Variants in USP33 observed in about 807,000 individuals in gnomAD.
The protein encoded by USP33 is ubiquitin carboxyl-terminal hydrolase 33.
In USP33, 46 loss-of-function variants were observed where a neutral mutation model predicts 124.2. That is an observed-to-expected ratio of 0.37 (90% CI 0.29 to 0.47). The LOEUF (loss-of-function observed/expected upper bound fraction) is 0.47. USP33 is among the 20% of genes least tolerant of loss of function. The pLI, the probability that USP33 is intolerant of heterozygous loss-of-function variation, is 0.99. For missense variants in USP33, 851 were observed against 1,070.6 expected, an observed-to-expected ratio of 0.79 and a Z score of 2.86; for synonymous variants, 350 against 352.3, an observed-to-expected ratio of 0.99 and a Z score of 0.07.
At chr1:77,714,025 T>C (rs1188930165) in intron 19 of USP33, among the ~76,000 whole-genome samples, 1 of 152,210 alleles carries the variant, frequency 6.6e-6, no homozygotes, top group East Asian at 1.9e-4. Context: ...ATCTTCAACC[T>C]TGAAGTTTAA....
chr1:77,736,364 G>A (rs1303431855), intron 5 of USP33, among the ~76,000 whole-genome samples: 2 of 151,958 alleles, frequency 1.3e-5, no homozygotes, highest in Admixed American at 6.6e-5. Flanking sequence ...TGTCAGTCCC[G>A]CTTTATTAAC....
At chr1:77,702,378 T>G (rs1557810142) in intron 21 of USP33, among the ~76,000 whole-genome samples, 1 of 152,128 alleles carries the variant, frequency 6.6e-6, no homozygotes, top group Non-Finnish European at 1.5e-5. Context: ...ATGTGTAAAC[T>G]TTATGTACAC....
chr1:77,734,214 A>C, intron 7 of USP33, 133 bp downstream of exon 7: 1 of 682,098 alleles, frequency 1.5e-6, no homozygotes, highest in Non-Finnish European at 2.5e-6. Flanking sequence ...TGGGACAAGA[A>C]TGGGTTATGT....
intron 15 of USP33, chr1:77,720,179 A>AC (rs1557833786): frequency 9.7e-6 from 4 of 411,678 alleles, no homozygotes; most frequent in Admixed American, 6.5e-5. Flanking sequence ...AAAAAAAAAA[A>AC]AAAAAAAAAA....
intron 21 of USP33, among the ~76,000 whole-genome samples, chr1:77,707,727 G>C (rs1286040332): frequency 2.6e-5 from 4 of 152,190 alleles, no homozygotes; most frequent in Non-Finnish European, 5.9e-5. Flanking sequence ...GGTATTGGCT[G>C]AGAACAGAGG....
chr1:77,753,151 G>A (rs1408705953), intron 1 of USP33, among the ~76,000 whole-genome samples: 3 of 152,090 alleles, frequency 2.0e-5, no homozygotes, highest in Non-Finnish European at 2.9e-5. Context: ...TGTGATATTC[G>A]ACATTGGGAT....
intron 8 of USP33, 43 bp from the exon 9 acceptor site, chr1:77,729,981 T>C (rs1426707872): frequency 1.3e-6 from 2 of 1,517,948 alleles, no homozygotes; most frequent in Non-Finnish European, 1.8e-6. Context: ...TTGTTATTTT[T>C]AATTTTCATT....
Position 77,713,557 on chromosome 1 carries a change from C to CTTTTTT in USP33, c.2216-282_2216-277dup, listed in dbSNP as rs1192112747. ...GCTTCAACACACCCAGCTAACTTTTCTTTTTTTTTTTTTTTTTTTTGTAGA... is the reference window on the plus strand; with the variant it reads ...GCTTCAACACACCCAGCTAACTTTTCTTTTTTTTTTTTTTTTTTTTTTTTTTGTAGA... On this transcript the variant is annotated intron_variant, in intron 19 of 23. Coordinates refer to ENST00000370794, the MANE Select transcript of USP33 (RefSeq NM_201624.3). 1.2e-3 allele frequency: 180 copies of CTTTTTT among 145,266 alleles called. 1 individual carries two copies. Among genetic ancestry groups the CTTTTTT allele is most frequent in the Middle Eastern group, 2.9e-3 (1 of 346 alleles). The allele number at this position is 145,266 out of a possible 1,614,324, so 9.0% of individuals were successfully genotyped here. A position where few individuals can be genotyped will look rare whatever the true frequency, so the allele number is the denominator to read the frequency against.
Position 77,741,605 on chromosome 1 carries a change from C to A in USP33, c.81+12G>T, listed in dbSNP as rs771923610. The A allele has an allele frequency of 5.9e-5, 93 of 1,573,854 alleles. No individual in the cohort carries two copies. In the Middle Eastern group the frequency reaches 1.0e-3, roughly 17 times the overall value. ...GAATAGTTTTTCAAGGAAGAAAAAA[C>A]CTGTTTCTTACAAGGGATTTTTGTA... On this transcript the variant is annotated intron_variant, in intron 2 of 23. Transcript: ENST00000370794.
chr1:77,700,594 T>C (rs969728735), intron 22 of USP33, among the ~76,000 whole-genome samples: 8 of 152,122 alleles, frequency 5.3e-5, no homozygotes, highest in African/African-American at 1.7e-4. Context: ...GGCAACAGGG[T>C]TAAGACCTTG....
intron 21 of USP33, among the ~76,000 whole-genome samples, chr1:77,703,977 G>A (rs1674329558): frequency 6.6e-6 from 1 of 152,026 alleles, no homozygotes; most frequent in Non-Finnish European, 1.5e-5. Context: ...ACTGGGTATG[G>A]TGGCACACGC....
At chr1:77,730,921 CAA>C (rs1353304248) in intron 7 of USP33, among the ~76,000 whole-genome samples, 190 bp from the exon 8 acceptor site, 4 of 152,194 alleles carry the variant, frequency 2.6e-5, no homozygotes, top group Admixed American at 2.6e-4. Flanking sequence ...CCCAGCATAT[CAA>C]GAGTCCTCCA....
intron 1 of USP33, among the ~76,000 whole-genome samples, chr1:77,742,880 C>CCTGTAGCTTA (rs1419154729): frequency 6.6e-6 from 1 of 151,770 alleles, no homozygotes; most frequent in Non-Finnish European, 1.5e-5. Context: ...CCTTTGTTAC[C>CCTGTAGCTTA]CTGTAGCTTA....
At position 77,751,522 on chromosome 1, in the gene USP33, T is replaced by C. The variant is rs184940135; in HGVS notation, c.-52+8121A>G. Among the ~76,000 whole-genome samples the C allele has an allele frequency of 2.2e-4, 34 of 152,008 alleles. No individual in the cohort carries two copies. In the East Asian group the frequency reaches 5.6e-3, roughly 25 times the overall value. On this transcript the variant is annotated intron_variant, in intron 1 of 23. Coordinates refer to ENST00000370794, the MANE Select transcript of USP33 (RefSeq NM_201624.3). Reference sequence around the variant, plus strand: ...AAATACAAAAATTACCCAGGCCTGGTGGCATGCCCCTGCAGTCCCAGCTAT... The same window carrying C: ...AAATACAAAAATTACCCAGGCCTGGCGGCATGCCCCTGCAGTCCCAGCTAT...
At position 77,721,943 on chromosome 1, in the gene USP33, GA is replaced by G. The variant is rs367996405; in HGVS notation, c.1563-19del. 6 of 1,597,570 alleles carry G rather than the reference GA, an allele frequency of 3.8e-6. No individual in the cohort carries two copies. The highest frequency in any genetic ancestry group is 1.4e-5 in the African/African-American group (1 of 73,562). ...CAACAAACCTGAAACATCATTGATA[GA>G]AAAAAAAGGAAGTGTTCTGCCAGTA... is the stretch of plus-strand genomic sequence containing the variant. On this transcript the variant is annotated intron_variant, in intron 13 of 23. Transcript: ENST00000370794.
intron 1 of USP33, among the ~76,000 whole-genome samples, chr1:77,752,388 C>T (rs1360375682): frequency 1.3e-5 from 2 of 152,078 alleles, no homozygotes; most frequent in African/African-American, 2.4e-5. Flanking sequence ...ATCCACCCAC[C>T]TCGGCCTCCC....
chr1:77,728,987 T>TCC (rs1677482496), intron 9 of USP33, among the ~76,000 whole-genome samples: 1 of 151,992 alleles, frequency 6.6e-6, no homozygotes, highest in African/African-American at 2.4e-5. Flanking sequence ...GTAGCCTCGA[T>TCC]CCCCCAGGCT....
rs544946032 is a variant in USP33 at position 77,712,637 on chromosome 1, G to T, written c.2297+563C>A. Among the ~76,000 whole-genome samples the T allele has an allele frequency of 7.9e-5, 12 of 152,154 alleles. No homozygotes were observed. The South Asian group carries it at 2.5e-3, about 32-fold the overall frequency. ...ACATGGCTTGAGCCCAGGAGTTCAA[G>T]ATCAGCCCAGGAGTTCAAGATCAGC... On this transcript the variant is annotated intron_variant, in intron 20 of 23. Transcript: ENST00000370794.
chr1:77,730,504 AATCT>A, intron 8 of USP33, 110 bp downstream of exon 8: 2 of 703,340 alleles, frequency 2.8e-6, no homozygotes, highest in Non-Finnish European at 4.3e-6. Context: ...AGCTGTCTCT[AATCT>A]ATCTCTCTTC....
Sources: allele counts gnomAD v4.1 joint callset (sites outside exome capture counted in the v4.1 genomes callset), GRCh38; gene constraint gnomAD v4.1.1; transcripts MANE v1.5; gene names NCBI Gene and HGNC (gene_info 2026-07-23, HGNC 2026-07-21).